The following CHD2 variants were observed in gnomAD, a reference collection of about 807,000 sequenced individuals.
CHD2 encodes ATP-dependent chromatin remodeler CHD2.
A neutral mutation model predicts 243.9 loss-of-function variants in CHD2; 28 were observed. The observed-to-expected ratio is 0.11, with a 90% CI of 0.09 to 0.16. The LOEUF (loss-of-function observed/expected upper bound fraction) is 0.16. Among genes scored for constraint, CHD2 ranks in the 10% least tolerant of loss-of-function variants. The pLI is 1.00. For missense variants in CHD2, 1,386 were observed against 2,209.8 expected (o/e 0.63, Z 7.47); for synonymous variants, 775 against 779.0 (o/e 0.99, Z 0.09).
At chr15:93,003,224 G>T (rs954508112) in intron 33 of CHD2, among the ~76,000 whole-genome samples, 1 of 151,136 alleles carries the variant, frequency 6.6e-6, no homozygotes, top group African/African-American at 2.4e-5. Flanking sequence ...GCTCGAGGCT[G>T]CAGTGAGCCA....
chr15:92,903,956 G>C (rs1042856760), intron 2 of CHD2, among the ~76,000 whole-genome samples: 2 of 152,212 alleles, frequency 1.3e-5, no homozygotes, highest in African/African-American at 4.8e-5. Context: ...GCAGTTACTT[G>C]TGTACTAGAA....
intron 16 of CHD2, among the ~76,000 whole-genome samples, chr15:92,966,611 A>G (rs1469772156): frequency 6.6e-6 from 1 of 152,128 alleles, no homozygotes; most frequent in African/African-American, 2.4e-5. Context: ...TCACTTAACA[A>G]TACCTGATAA....
rs1236615732 is a variant in CHD2 at position 92,946,027 on chromosome 15, A to G, written c.1199-11A>G. The G allele has an allele frequency of 7.7e-6, 12 of 1,549,996 alleles. No individual in the cohort carries two copies. In the African/African-American group the frequency reaches 1.2e-4, roughly 16 times the overall value. ...AGTTGCTAATCTATAAATTTTTTTT[A>G]TATGAAATAGCTCATAGTCGGAAGC... is the stretch of plus-strand genomic sequence containing the variant. On this transcript the variant is annotated splice_polypyrimidine_tract_variant and intron_variant, in intron 11 of 38. Coordinates refer to ENST00000394196, the MANE Select transcript of CHD2 (RefSeq NM_001271.4).
chr15:92,992,890 G>C lies in CHD2; in HGVS notation c.3487G>C (p.Val1163Leu), dbSNP rs1555444210. 1 of 1,614,000 alleles carries C rather than the reference G, an allele frequency of 6.2e-7. No individual in the cohort carries two copies. The highest frequency in any genetic ancestry group is 1.7e-5 in the Admixed American group (1 of 60,016). The change falls in exon 28 of 39, where the codon GTA becomes CTA. Residue 1163 changes from valine to leucine, a missense_variant. By Grantham distance (32) the Val-to-Leu change is conservative. This residue lies in a region of CHD2 where 13 missense variants were observed against 57.6 expected (regional missense o/e 0.23). Coordinates refer to ENST00000394196, the MANE Select transcript of CHD2 (RefSeq NM_001271.4). ...GTGCATAGCACGTGATGCTGAGCTG[G>C]TAGATAAGTCGGTGGCAGATCTGAA... ...LECIARDAEL[V>L]DKSVADLKRL... is the part of the protein sequence containing the mutation.
chr15:92,919,592 G>T (rs964215267), intron 2 of CHD2, among the ~76,000 whole-genome samples: 1 of 152,036 alleles, frequency 6.6e-6, no homozygotes, highest in African/African-American at 2.4e-5. Context: ...GGGTTTCACC[G>T]TGTTAGCCAG....
At chr15:92,936,605 T>A (rs2053271427) in intron 5 of CHD2, among the ~76,000 whole-genome samples, 1 of 152,182 alleles carries the variant, frequency 6.6e-6, no homozygotes, top group African/African-American at 2.4e-5. Flanking sequence ...ATCTAATAAT[T>A]ATTAAAAACT....
chr15:92,993,837 A>G (rs1393821538), intron 28 of CHD2, among the ~76,000 whole-genome samples: 1 of 152,122 alleles, frequency 6.6e-6, no homozygotes, highest in Non-Finnish European at 1.5e-5. Flanking sequence ...AATCCCAGCT[A>G]CATGGGAGGC....
chr15:92,984,581 C>G (rs1272527471), intron 25 of CHD2, 81 bp downstream of exon 25: 1 of 1,306,924 alleles, frequency 7.7e-7, no homozygotes, highest in Admixed American at 2.6e-5. Context: ...AAAGAAGAGG[C>G]CTTGCATTGT....
intron 9 of CHD2, chr15:92,943,385 T>C (rs2053413061): frequency 9.7e-6 from 3 of 307,760 alleles, no homozygotes; most frequent in East Asian, 8.2e-5. Flanking sequence ...ACACAGCAAT[T>C]CTGCAAGTGG....
rs146615363 is a variant in CHD2 at position 92,967,559 on chromosome 15, C to T, written c.2189+46C>T. The T allele has an allele frequency of 1.4e-5, 19 of 1,392,934 alleles. No individual in the cohort carries two copies. The African/African-American group carries it at 2.8e-4, about 20-fold the overall frequency. The allele number at this position is 1,392,934 out of a possible 1,614,324, so 86.3% of individuals were successfully genotyped here. On this transcript the variant is annotated intron_variant, in intron 17 of 38. Coordinates refer to ENST00000394196, the MANE Select transcript of CHD2 (RefSeq NM_001271.4). The stretch of plus-strand genomic sequence containing the variant: ...GGCCTGAAGGGGTTGAGATCAGTAC[C>T]ATGAAACTATTAGATAGGAGATATA...
At chr15:92,946,251 GA>G in intron 12 of CHD2, 35 bp downstream of exon 12, 1 of 1,542,616 alleles carries the variant, frequency 6.5e-7, no homozygotes, top group Non-Finnish European at 8.8e-7. Flanking sequence ...TTTTCAGGGA[GA>G]AGATATACTG....
intron 16 of CHD2, among the ~76,000 whole-genome samples, chr15:92,964,826 C>G (rs183319606): frequency 1.3e-5 from 2 of 152,142 alleles, no homozygotes; most frequent in Non-Finnish European, 2.9e-5. Flanking sequence ...TCAGACTTAC[C>G]GCAGAAAACA....
chr15:92,942,225 T>C (rs2053393060), intron 8 of CHD2, among the ~76,000 whole-genome samples: 1 of 152,198 alleles, frequency 6.6e-6, no homozygotes, highest in Non-Finnish European at 1.5e-5. Context: ...ATTAAGCAAA[T>C]CCACCTTTGG....
rs568700997 is a variant in CHD2 at position 92,924,571 on chromosome 15, A to T, written c.294+19A>T. 3 of 1,602,962 alleles carry T rather than the reference A, an allele frequency of 1.9e-6. No individual in the cohort carries two copies. The South Asian group carries it at 3.3e-5, about 18-fold the overall frequency. ...GAAGAAGGTATCTACTTTGCCCTGC[A>T]GTACAAATGTGCTGCTAGCCTAGGA... On this transcript the variant is annotated intron_variant, in intron 3 of 38. Coordinates refer to ENST00000394196, the MANE Select transcript of CHD2 (RefSeq NM_001271.4).
intron 35 of CHD2, among the ~76,000 whole-genome samples, chr15:93,009,880 C>G (rs929496499): frequency 3.3e-5 from 5 of 152,118 alleles, no homozygotes; most frequent in Non-Finnish European, 7.4e-5. Flanking sequence ...GCCACTGAAA[C>G]TTTTTTAAAA....
At chr15:92,962,534 T>A (rs923867220) in intron 16 of CHD2, among the ~76,000 whole-genome samples, 1 of 152,168 alleles carries the variant, frequency 6.6e-6, no homozygotes, top group Non-Finnish European at 1.5e-5. Context: ...TTAAATGAAT[T>A]TATTATGACT....
intron 16 of CHD2, among the ~76,000 whole-genome samples, chr15:92,961,003 C>T (rs892333388): frequency 1.3e-5 from 2 of 152,028 alleles, no homozygotes; most frequent in African/African-American, 4.8e-5. Context: ...GGATTACAGG[C>T]GTGAGCCACT....
chr15:92,955,731 G>A (rs1176940098), intron 15 of CHD2, among the ~76,000 whole-genome samples: 1 of 152,138 alleles, frequency 6.6e-6, no homozygotes, highest in South Asian at 2.1e-4. Context: ...CTTTTCAAAG[G>A]ATATTAACGT....
At chr15:92,960,471 T>A (rs896247792) in intron 16 of CHD2, among the ~76,000 whole-genome samples, 1 of 152,188 alleles carries the variant, frequency 6.6e-6, no homozygotes, top group African/African-American at 2.4e-5. Flanking sequence ...TGTGAGGTTT[T>A]AATAAAGAAT....
Sources: gnomAD v4.1 joint callset for allele counts (sites outside exome capture counted in the v4.1 genomes callset) on GRCh38, gnomAD v4.1.1 for gene constraint, gnomAD v4.1.1 regional missense constraint, MANE v1.5 for transcripts, NCBI Gene and HGNC (gene_info 2026-07-23, HGNC 2026-07-21) for gene names.